Variants in NTRK3 observed in about 807,000 individuals in gnomAD.
NTRK3 encodes neurotrophic receptor tyrosine kinase 3.
Under a neutral mutation model 91.7 loss-of-function variants are expected in NTRK3, and 24 were observed. The ratio of observed to expected loss-of-function variants is 0.26; its 90% CI spans 0.19 to 0.37. The LOEUF (loss-of-function observed/expected upper bound fraction) is 0.37. Among genes scored for constraint, NTRK3 ranks in the 10% least tolerant of loss-of-function variants. The pLI, the probability that NTRK3 is intolerant of heterozygous loss-of-function variation, is 1.00. For missense variants in NTRK3, 880 were observed against 1,068.9 expected (o/e 0.82, Z 2.46); for synonymous variants, 483 against 404.0 (o/e 1.20, Z -2.34).
intron 14 of NTRK3, among the ~76,000 whole-genome samples, chr15:87,962,604 C>A (rs2072402510): frequency 6.6e-6 from 1 of 152,214 alleles, no homozygotes; most frequent in Admixed American, 6.5e-5. Flanking sequence ...TGGTTGACTT[C>A]TCTCCAGTTT....
At chr15:88,059,082 C>T (rs1232762680) in intron 13 of NTRK3, among the ~76,000 whole-genome samples, 2 of 149,856 alleles carry the variant, frequency 1.3e-5, no homozygotes, top group Non-Finnish European at 1.5e-5. Flanking sequence ...ACACACACAG[C>T]CCTCTGGCTA....
At chr15:88,015,973 T>C (rs1366601667) in intron 14 of NTRK3, among the ~76,000 whole-genome samples, 3 of 151,446 alleles carry the variant, frequency 2.0e-5, no homozygotes, top group Non-Finnish European at 2.9e-5. Context: ...GGCTACTAGA[T>C]GACAAATTCA....
At chr15:88,201,760 C>A (rs1282301883) in intron 3 of NTRK3, among the ~76,000 whole-genome samples, 2 of 152,168 alleles carry the variant, frequency 1.3e-5, no homozygotes, top group Non-Finnish European at 2.9e-5. Flanking sequence ...CAGGGCCAGG[C>A]CACCATGATG....
chr15:87,908,092 CA>C (rs969675980), intron 17 of NTRK3, among the ~76,000 whole-genome samples: 1 of 152,148 alleles, frequency 6.6e-6, no homozygotes, highest in East Asian at 1.9e-4. Flanking sequence ...AAAGTGTACT[CA>C]AAACTCAAGG....
intron 3 of NTRK3, among the ~76,000 whole-genome samples, chr15:88,187,069 T>C (rs2047004167): frequency 1.3e-5 from 2 of 152,350 alleles, no homozygotes; most frequent in South Asian, 4.1e-4. Context: ...CAGGCAGAGC[T>C]GGCTGTGCTG....
At chr15:88,028,474 G>T (rs2078233031) in intron 14 of NTRK3, among the ~76,000 whole-genome samples, 1 of 152,126 alleles carries the variant, frequency 6.6e-6, no homozygotes, top group African/African-American at 2.4e-5. Flanking sequence ...AGGGGCTCCT[G>T]GGGAAAAGAA....
intron 14 of NTRK3, among the ~76,000 whole-genome samples, chr15:88,030,629 A>T (rs1360977064): frequency 6.6e-6 from 1 of 152,090 alleles, no homozygotes; most frequent in Admixed American, 6.5e-5. Flanking sequence ...TTACTTTCTA[A>T]AATTTATGTG....
At chr15:87,980,704 C>T (rs1255759035) in intron 14 of NTRK3, among the ~76,000 whole-genome samples, 1 of 152,180 alleles carries the variant, frequency 6.6e-6, no homozygotes, top group Admixed American at 6.5e-5. Flanking sequence ...TCCTGTCCTC[C>T]TGCCCAGGAC....
intron 5 of NTRK3, among the ~76,000 whole-genome samples, chr15:88,180,618 A>G (rs2046369846): frequency 6.6e-6 from 1 of 151,114 alleles, no homozygotes; most frequent in Admixed American, 6.6e-5. Context: ...AGGGGCAATG[A>G]TATCACTTCC....
At chr15:88,227,685 G>T (rs1452263988) in intron 3 of NTRK3, among the ~76,000 whole-genome samples, 1 of 152,070 alleles carries the variant, frequency 6.6e-6, no homozygotes, top group Non-Finnish European at 1.5e-5. Flanking sequence ...GTGGGACTTC[G>T]TTATGGCAGC....
intron 13 of NTRK3, among the ~76,000 whole-genome samples, chr15:88,078,080 A>G (rs1423518660): frequency 6.6e-6 from 1 of 152,232 alleles, no homozygotes; most frequent in Admixed American, 6.5e-5. Flanking sequence ...TAGAGGACAA[A>G]CACATTCAGA....
At chr15:87,870,683 A>G (rs6496450) in exon 19 of NTRK3, 147,020 of 219,370 alleles carry the variant, frequency 0.67, 49,507 homozygotes, top group East Asian at 0.71. Flanking sequence ...GGCCTTTCAA[A>G]AAAGATGTCT....
intron 13 of NTRK3, among the ~76,000 whole-genome samples, chr15:88,063,577 A>T (rs1321204025): frequency 1.3e-5 from 2 of 151,940 alleles, no homozygotes; most frequent in Admixed American, 1.3e-4. Context: ...TCACCTCATG[A>T]CCCGCCTGCC....
intron 14 of NTRK3, among the ~76,000 whole-genome samples, chr15:87,957,030 G>A (rs2071739085): frequency 6.6e-6 from 1 of 152,140 alleles, no homozygotes; most frequent in Non-Finnish European, 1.5e-5. Context: ...AATCCTCTTA[G>A]CTCCAGCCAA....
intron 13 of NTRK3, among the ~76,000 whole-genome samples, chr15:88,090,374 T>G (rs1398053718): frequency 6.6e-6 from 1 of 151,400 alleles, no homozygotes; most frequent in Non-Finnish European, 1.5e-5. Flanking sequence ...TCAAAAATGC[T>G]GAAGAAAGGA....
intron 13 of NTRK3, among the ~76,000 whole-genome samples, chr15:88,037,516 G>A (rs1217755185): frequency 6.6e-6 from 1 of 152,116 alleles, no homozygotes; most frequent in Non-Finnish European, 1.5e-5. Context: ...GAGCTGAGAT[G>A]GCACCCACTG....
intron 11 of NTRK3, 108 bp downstream of exon 11, chr15:88,128,603 C>A (rs1283516069): frequency 1.7e-6 from 2 of 1,199,374 alleles, no homozygotes; most frequent in East Asian, 4.7e-5. Flanking sequence ...CCCTCAGCTG[C>A]CATGGGCCAG....
At chr15:88,188,501 G>A (rs1390244822) in intron 3 of NTRK3, among the ~76,000 whole-genome samples, 1 of 152,210 alleles carries the variant, frequency 6.6e-6, no homozygotes, top group Non-Finnish European at 1.5e-5. Context: ...AATGTCCACA[G>A]CACCAGGATT....
chr15:87,954,064 T>TGTG (rs2071427597), intron 14 of NTRK3, among the ~76,000 whole-genome samples: 2 of 143,468 alleles, frequency 1.4e-5, no homozygotes, highest in African/African-American at 5.4e-5. Flanking sequence ...GTGTGTATGC[T>TGTG]TTTTTTCTCT....
Sources: allele counts gnomAD v4.1 joint callset (sites outside exome capture counted in the v4.1 genomes callset), GRCh38; gene constraint gnomAD v4.1.1; transcripts MANE v1.5; gene names NCBI Gene and HGNC (gene_info 2026-07-23, HGNC 2026-07-21).